The following TAS2R1 variants were observed in gnomAD, a reference collection of about 807,000 sequenced individuals.
TAS2R1 encodes the protein taste receptor type 2 member 1.
For synonymous variants in TAS2R1, 141 were observed against 134.2 expected (o/e 1.05, Z -0.35); for missense variants, 370 against 353.4 (o/e 1.05, Z -0.38).
chr5:9,837,998 C>A, the TAS2R1 span, among the ~76,000 whole-genome samples: 1 of 152,166 alleles, frequency 6.6e-6, no homozygotes, highest in African/African-American at 2.4e-5. Flanking sequence ...CCCAGCATTG[C>A]TTCCTCAGTT....
At chr5:9,876,326 G>C in the TAS2R1 span, among the ~76,000 whole-genome samples, 2 of 152,130 alleles carry the variant, frequency 1.3e-5, no homozygotes, top group African/African-American at 4.8e-5. Context: ...GACACGTGAG[G>C]CATGGCTTAG....
At chr5:9,699,194 G>A (rs1047511274) in intron 1 of TAS2R1, among the ~76,000 whole-genome samples, 1 of 152,168 alleles carries the variant, frequency 6.6e-6, no homozygotes, top group Non-Finnish European at 1.5e-5. Context: ...TGCAAACTAT[G>A]GACTAAACAC....
upstream of TAS2R1, among the ~76,000 whole-genome samples, chr5:9,631,687 G>A (rs184678548): frequency 1.9e-3 from 292 of 152,336 alleles, 1 homozygote; most frequent in African/African-American, 6.8e-3. Flanking sequence ...CTTAATGAAC[G>A]TGTGTTACTT....
the TAS2R1 span, among the ~76,000 whole-genome samples, chr5:9,869,431 T>C: frequency 2.0e-5 from 3 of 152,158 alleles, no homozygotes; most frequent in African/African-American, 7.2e-5. Flanking sequence ...ATGAAACTTA[T>C]TCACTTTCAT....
chr5:9,787,969 C>T, the TAS2R1 span, among the ~76,000 whole-genome samples: 1 of 152,202 alleles, frequency 6.6e-6, no homozygotes. Context: ...CACTCTCAAG[C>T]TCAATGTGGC....
the TAS2R1 span, among the ~76,000 whole-genome samples, chr5:9,784,712 C>A: frequency 6.6e-6 from 1 of 152,170 alleles, no homozygotes; most frequent in Non-Finnish European, 1.5e-5. Context: ...GAGGAGGATC[C>A]TTCCTTGCAT....
intron 1 of TAS2R1, among the ~76,000 whole-genome samples, chr5:9,661,983 G>T (rs989785623): frequency 6.6e-6 from 1 of 152,150 alleles, no homozygotes; most frequent in Admixed American, 6.5e-5. Flanking sequence ...GTTTCACCAG[G>T]GGTCACTCAT....
the TAS2R1 span, among the ~76,000 whole-genome samples, chr5:9,872,159 A>T: frequency 6.6e-6 from 1 of 152,228 alleles, no homozygotes; most frequent in Non-Finnish European, 1.5e-5. Context: ...TGGTGGTCTT[A>T]AAAATTAAAG....
At chr5:9,715,190 CGT>C (rs1734782244), upstream of TAS2R1, among the ~76,000 whole-genome samples, 2 of 152,164 alleles carry the variant, frequency 1.3e-5, no homozygotes, top group South Asian at 2.1e-4. Flanking sequence ...AAGAACTAAA[CGT>C]GTGTGTGTGT....
At chr5:9,891,057 C>T in the TAS2R1 span, among the ~76,000 whole-genome samples, 148 of 152,314 alleles carry the variant, frequency 9.7e-4, no homozygotes, top group Admixed American at 1.4e-3. Context: ...AACATGAAGT[C>T]ATTATGTGGC....
the TAS2R1 span, among the ~76,000 whole-genome samples, chr5:9,740,338 A>T: frequency 6.6e-6 from 1 of 152,206 alleles, no homozygotes; most frequent in African/African-American, 2.4e-5. Context: ...CCAAAGACCC[A>T]GTTAATAAGT....
At chr5:9,865,030 G>A in the TAS2R1 span, among the ~76,000 whole-genome samples, 36 of 152,250 alleles carry the variant, frequency 2.4e-4, no homozygotes, top group African/African-American at 6.3e-4. Flanking sequence ...GAATAAACAC[G>A]TCCATACGGG....
chr5:9,804,461 G>A, the TAS2R1 span, among the ~76,000 whole-genome samples: 1 of 152,084 alleles, frequency 6.6e-6, no homozygotes, highest in African/African-American at 2.4e-5. Flanking sequence ...TTCAGCACAT[G>A]GAACATTCTC....
chr5:9,802,327 A>C, the TAS2R1 span, among the ~76,000 whole-genome samples: 1 of 152,084 alleles, frequency 6.6e-6, no homozygotes, highest in Non-Finnish European at 1.5e-5. Context: ...AAAAGCAAAA[A>C]CAATCACTGC....
At chr5:9,676,037 A>C (rs1044235639) in intron 1 of TAS2R1, among the ~76,000 whole-genome samples, 1 of 152,172 alleles carries the variant, frequency 6.6e-6, no homozygotes, top group African/African-American at 2.4e-5. Flanking sequence ...TTTTATTCCT[A>C]GCTTGTTGAG....
the TAS2R1 span, among the ~76,000 whole-genome samples, chr5:9,737,535 C>T: frequency 5.9e-3 from 902 of 152,282 alleles, 8 homozygotes; most frequent in African/African-American, 0.021. Flanking sequence ...CTGTCTTCCC[C>T]TTCTGCAGGT....
chr5:9,638,111 G>T (rs1197639455), intron 2 of TAS2R1, among the ~76,000 whole-genome samples: 1 of 152,184 alleles, frequency 6.6e-6, no homozygotes, highest in Non-Finnish European at 1.5e-5. Context: ...GTCCCATGGG[G>T]TGATCCCTCA....
the TAS2R1 span, among the ~76,000 whole-genome samples, chr5:9,761,520 CAGA>C: frequency 7.9e-5 from 12 of 152,030 alleles, no homozygotes; most frequent in Non-Finnish European, 1.8e-4. Flanking sequence ...TTGAAAACTC[CAGA>C]AGGATAGAAG....
chr5:9,837,621 CCA>C, the TAS2R1 span, among the ~76,000 whole-genome samples: 21 of 152,214 alleles, frequency 1.4e-4, no homozygotes, highest in Admixed American at 6.5e-4. Flanking sequence ...CCTTCTCACC[CCA>C]GACTTCTTGC....
Sources: allele counts gnomAD v4.1 joint callset (sites outside exome capture counted in the v4.1 genomes callset), GRCh38; gene constraint gnomAD v4.1.1; transcripts MANE v1.5; gene names NCBI Gene and HGNC (gene_info 2026-07-23, HGNC 2026-07-21).